Variants in SLC5A11 observed in about 807,000 individuals in gnomAD.
SLC5A11 encodes the protein sodium/myo-inositol cotransporter 2.
In SLC5A11, 48 loss-of-function variants were observed where a neutral mutation model predicts 69.8. The ratio of observed to expected loss-of-function variants is 0.69; its 90% CI spans 0.55 to 0.87. The LOEUF (loss-of-function observed/expected upper bound fraction) is 0.87. SLC5A11 is among the 40% of genes least tolerant of loss of function. The pLI, the probability that SLC5A11 is intolerant of heterozygous loss-of-function variation, is 0.00. For missense variants in SLC5A11, 784 were observed against 866.1 expected, an observed-to-expected ratio of 0.91 and a Z score of 1.19; for synonymous variants, 319 against 342.4, an observed-to-expected ratio of 0.93 and a Z score of 0.75.
Position 24,872,365 on chromosome 16 carries a change from G to A in SLC5A11, c.372+146G>A, listed in dbSNP as rs538626145. On this transcript the variant is annotated intron_variant, in intron 5 of 15. Transcript: ENST00000347898. ...ACTCAGAGGCCCCAGTAAAGGGGAG[G>A]GATGATCCACAGGTGAGACAATGAG... is the stretch of plus-strand genomic sequence containing the variant. 9.8e-6 allele frequency: 9 copies of A among 922,064 alleles called. No individual in the cohort carries two copies. The African/African-American group carries it at 1.4e-4, about 15-fold the overall frequency. The allele number at this position is 922,064 out of a possible 1,614,324, so 57.1% of individuals were successfully genotyped here.
chr16:24,902,320 G>C (rs908566078), intron 10 of SLC5A11, among the ~76,000 whole-genome samples: 11 of 151,748 alleles, frequency 7.2e-5, no homozygotes, highest in African/African-American at 2.7e-4. Context: ...GAATGTAAAG[G>C]TTAAGGGGGA....
At chr16:24,872,669 C>T (rs1257723514) in intron 5 of SLC5A11, among the ~76,000 whole-genome samples, 2 of 150,748 alleles carry the variant, frequency 1.3e-5, no homozygotes, top group East Asian at 3.9e-4. Context: ...CAAGCCACCA[C>T]ACCCAGCTAA....
chr16:24,859,985 A>T (rs1347837773), intron 2 of SLC5A11, among the ~76,000 whole-genome samples: 2 of 152,144 alleles, frequency 1.3e-5, no homozygotes, highest in South Asian at 2.1e-4. Flanking sequence ...TCCCATCTTT[A>T]CTAAAAATAC....
chr16:24,884,113 C>T (rs771692090), exon 8 of SLC5A11: 2 of 1,614,094 alleles, frequency 1.2e-6, no homozygotes, highest in Admixed American at 3.3e-5. Flanking sequence ...TATAGGAGCG[C>T]TCACCTTGAT....
chr16:24,858,711 G>A lies in SLC5A11; in HGVS notation c.68G>A (p.Gly23Asp), dbSNP rs576595802. Residue 23 changes from glycine (G) to aspartate (D), a missense_variant, in exon 2 of 16, where the codon GGC (glycine) becomes GAC (aspartate). Transcript: ENST00000347898. ...CCCCTGGATGCGTTTCCCCAGAAGGGCTTGGAGCCTGGGGACATCGCGGTG... is the reference window on the plus strand; with the variant it reads ...CCCCTGGATGCGTTTCCCCAGAAGGACTTGGAGCCTGGGGACATCGCGGTG... The A allele has an allele frequency of 3.1e-6, 5 of 1,611,946 alleles. No homozygotes were observed. In the South Asian group the frequency reaches 4.4e-5, roughly 14 times the overall value.
At chr16:24,849,598 A>G (rs1475747611) in intron 1 of SLC5A11, among the ~76,000 whole-genome samples, 5 of 105,720 alleles carry the variant, frequency 4.7e-5, no homozygotes, top group African/African-American at 1.9e-4. Context: ...AAAAAAATAT[A>G]TATATATATA....
chr16:24,875,567 G>GC (rs2047615156), intron 5 of SLC5A11, 60 bp from the exon 7 acceptor site: 1 of 1,313,940 alleles, frequency 7.6e-7, no homozygotes, highest in African/African-American at 1.9e-5. Context: ...GGCTTGTGTG[G>GC]GGGGGTCACG....
chr16:24,876,525 T>A (rs1279106574), intron 6 of SLC5A11, among the ~76,000 whole-genome samples: 1 of 152,196 alleles, frequency 6.6e-6, no homozygotes, highest in Non-Finnish European at 1.5e-5. Flanking sequence ...GAAGCTGTCT[T>A]CGCTTCCAGC....
At position 24,847,784 on chromosome 16, in the gene SLC5A11, C is replaced by T. The variant is rs183997277; in HGVS notation, c.-25+1346C>T. On this transcript the variant is annotated intron_variant, in intron 1 of 15. Transcript: ENST00000347898. ...CTGTCCCTTTTTTGGGCGGTCACAG[C>T]GTGCAAAGGATCTATAGCAAAGGCT... Among the ~76,000 whole-genome samples the T allele has an allele frequency of 1.5e-4, 23 of 152,294 alleles. No homozygotes were observed. In the East Asian group the frequency reaches 2.7e-3, roughly 18 times the overall value.
chr16:24,891,131 G>C, intron 9 of SLC5A11, 57 bp downstream of exon 10: 1 of 1,554,656 alleles, frequency 6.4e-7, no homozygotes, highest in Admixed American at 1.7e-5. Flanking sequence ...TCCTTAGGGT[G>C]GCTGAAGTCG....
chr16:24,890,630 C>T (rs1306825749), intron 8 of SLC5A11, among the ~76,000 whole-genome samples: 1 of 151,762 alleles, frequency 6.6e-6, no homozygotes, highest in African/African-American at 2.4e-5. Flanking sequence ...ATGTCAAACA[C>T]CAAATTTTAC....
intron 12 of SLC5A11, 65 bp from the exon 14 acceptor site, chr16:24,907,896 CAG>C: frequency 1.3e-6 from 2 of 1,585,726 alleles, no homozygotes; most frequent in East Asian, 2.2e-5. Flanking sequence ...TTAAAAGAGA[CAG>C]AGAGAGGGAA....
intron 13 of SLC5A11, among the ~76,000 whole-genome samples, chr16:24,908,584 T>G (rs2050251218): frequency 1.9e-5 from 2 of 103,388 alleles, no homozygotes; most frequent in African/African-American, 4.2e-5. Flanking sequence ...GGCGACAGAG[T>G]GAGACTGTCT....
intron 3 of SLC5A11, among the ~76,000 whole-genome samples, chr16:24,868,401 G>T (rs558820547): frequency 2.9e-4 from 41 of 142,820 alleles, no homozygotes; most frequent in South Asian, 6.8e-4. Flanking sequence ...CCATCCTGGC[G>T]AACACGGTGA....
At chr16:24,870,747 T>C (rs1366630526) in intron 4 of SLC5A11, among the ~76,000 whole-genome samples, 2 of 131,504 alleles carry the variant, frequency 1.5e-5, no homozygotes, top group African/African-American at 5.8e-5. Context: ...AACACTGCAC[T>C]TCAGCCTGGG....
At chr16:24,872,507 G>C (rs1277035820) in intron 5 of SLC5A11, among the ~76,000 whole-genome samples, 1 of 152,088 alleles carries the variant, frequency 6.6e-6, no homozygotes, top group African/African-American at 2.4e-5. Context: ...CAAATGTAAA[G>C]CTCACAATCT....
rs1282520114 is a variant in SLC5A11, at chr16:24,879,092, G to A, written c.583+1729G>A. On this transcript the variant is annotated intron_variant, in intron 7 of 15. Coordinates refer to ENST00000347898, the Ensembl canonical transcript of SLC5A11. ...TATTATAACCTGAGAAGTGCTATAA[G>A]GAAAAATTAATTGGGGTGAAGAGAT... Among the ~76,000 whole-genome samples the A allele has an allele frequency of 2.0e-5, 3 of 151,834 alleles. No individual in the cohort carries two copies. In the South Asian group the frequency reaches 6.2e-4, roughly 32 times the overall value.
chr16:24,898,050 A>T (rs1391745635), exon 10 of SLC5A11: 1 of 1,614,162 alleles, frequency 6.2e-7, no homozygotes, highest in Non-Finnish European at 8.5e-7. Context: ...GCATACCTGA[A>T]GGTGCTGCCC....
intron 3 of SLC5A11, among the ~76,000 whole-genome samples, chr16:24,863,224 C>T (rs1420141794): frequency 2.0e-5 from 3 of 151,496 alleles, no homozygotes; most frequent in Non-Finnish European, 2.9e-5. Flanking sequence ...GTGCTTTTCT[C>T]CTCTGGACTC....
Sources: gnomAD v4.1 joint callset for allele counts (sites outside exome capture counted in the v4.1 genomes callset) on GRCh38, gnomAD v4.1.1 for gene constraint, MANE v1.5 for transcripts, NCBI Gene and HGNC (gene_info 2026-07-23, HGNC 2026-07-21) for gene names.